NEGR1: variants seen among roughly 807,000 people sequenced by gnomAD.
NEGR1 encodes IgLON family member 4.
NEGR1 carries 10 observed loss-of-function variants against 40.9 expected under a neutral mutation model. That is an observed-to-expected ratio of 0.24 (90% confidence interval 0.15 to 0.42). NEGR1 has a LOEUF of 0.42. NEGR1 is among the 10% of genes least tolerant of loss of function. The probability of loss-of-function intolerance (pLI) is 1.00; values close to 1 mark genes in which losing one functional copy is unlikely to be tolerated. For missense variants in NEGR1, 352 were observed against 438.9 expected (o/e 0.80, Z 1.77); for synonymous variants, 185 against 166.8 (o/e 1.11, Z -0.84).
At chr1:71,713,060 C>T (rs556487157) in intron 3 of NEGR1, among the ~76,000 whole-genome samples, 1 of 152,314 alleles carries the variant, frequency 6.6e-6, no homozygotes, top group African/African-American at 2.4e-5. Context: ...CAGACTAATA[C>T]AGCCAGTATA....
intron 6 of NEGR1, among the ~76,000 whole-genome samples, chr1:71,498,210 A>G (rs1646977651): frequency 6.6e-6 from 1 of 151,356 alleles, no homozygotes; most frequent in Admixed American, 6.6e-5. Context: ...TATTCAGATT[A>G]ATTTTATAGC....
intron 5 of NEGR1, among the ~76,000 whole-genome samples, chr1:71,596,134 T>C (rs2101525648): frequency 6.6e-6 from 1 of 152,108 alleles, no homozygotes; most frequent in South Asian, 2.1e-4. Flanking sequence ...CAGTACTATA[T>C]GGTGCCTACT....
chr1:71,843,241 T>C (rs1659303626), intron 2 of NEGR1, among the ~76,000 whole-genome samples: 1 of 152,100 alleles, frequency 6.6e-6, no homozygotes, highest in Admixed American at 6.6e-5. Context: ...GAGAAAGGCT[T>C]GTCCTATTGC....
chr1:71,400,526 A>G lies in NEGR1; in HGVS notation c.*6920T>C, dbSNP rs1209046771. 2 of 152,124 alleles carry G rather than the reference A, an allele frequency of 1.3e-5. No individual in the cohort carries two copies. Among genetic ancestry groups the G allele is most frequent in the Non-Finnish European group, 2.9e-5 (2 of 68,026 alleles). 9.4% of individuals were successfully genotyped at this position (152,124 alleles called of 1,614,324 possible). A position where few individuals can be genotyped will look rare whatever the true frequency, so the allele number is the denominator to read the frequency against. On this transcript the variant is annotated 3_prime_UTR_variant, in exon 7 of 7. Coordinates refer to ENST00000357731, the MANE Select transcript of NEGR1 (RefSeq NM_173808.3). ...TTTCAACAAGGTGGATTCTCGAAGC[A>G]AGGTAGTTCTTGTGACTGTTTACTT...
intron 1 of NEGR1, among the ~76,000 whole-genome samples, chr1:72,013,199 T>A (rs916609462): frequency 6.6e-6 from 1 of 152,012 alleles, no homozygotes; most frequent in Non-Finnish European, 1.5e-5. Context: ...CTTTGGAATT[T>A]GAATGAGCCC....
chr1:71,610,772 G>A (rs902067300), intron 5 of NEGR1, among the ~76,000 whole-genome samples: 4 of 152,036 alleles, frequency 2.6e-5, no homozygotes, highest in African/African-American at 9.7e-5. Context: ...CAGGAGGGAG[G>A]GGAAGAAATG....
intron 4 of NEGR1, among the ~76,000 whole-genome samples, chr1:71,690,631 G>C (rs1392765457): frequency 3.0e-5 from 4 of 133,122 alleles, no homozygotes; most frequent in African/African-American, 9.1e-5. Context: ...GAGAGAGAGA[G>C]AGAGAGAGAG....
At chr1:71,470,336 G>A (rs892973773) in intron 6 of NEGR1, among the ~76,000 whole-genome samples, 18 of 152,028 alleles carry the variant, frequency 1.2e-4, no homozygotes, top group Non-Finnish European at 5.9e-5. Context: ...AGCTTAAGGA[G>A]TGGTCATTGA....
chr1:71,911,081 T>C (rs1661410477), intron 2 of NEGR1, among the ~76,000 whole-genome samples: 3 of 152,168 alleles, frequency 2.0e-5, no homozygotes, highest in Non-Finnish European at 4.4e-5. Flanking sequence ...GAGAGAAATG[T>C]AATTCTATTT....
At chr1:71,805,417 C>T (rs1657729388) in intron 2 of NEGR1, among the ~76,000 whole-genome samples, 1 of 152,082 alleles carries the variant, frequency 6.6e-6, no homozygotes, top group Admixed American at 6.6e-5. Flanking sequence ...GATGTCTCCC[C>T]CGGACACCCA....
intron 3 of NEGR1, among the ~76,000 whole-genome samples, chr1:71,737,135 G>A (rs1357248829): frequency 1.3e-5 from 2 of 152,162 alleles, no homozygotes; most frequent in Admixed American, 1.3e-4. Flanking sequence ...AAGTAGAGAT[G>A]TAACCTGAAT....
chr1:72,088,167 A>G (rs557500984), intron 1 of NEGR1, among the ~76,000 whole-genome samples: 1 of 152,304 alleles, frequency 6.6e-6, no homozygotes, highest in South Asian at 2.1e-4. Context: ...CCTATTAATC[A>G]TCATAGATGA....
At chr1:71,766,844 CTTG>C (rs982859891) in intron 3 of NEGR1, among the ~76,000 whole-genome samples, 7 of 152,040 alleles carry the variant, frequency 4.6e-5, no homozygotes, top group African/African-American at 1.4e-4. Flanking sequence ...CTCATGACAT[CTTG>C]TTGTTTAAAA....
At chr1:71,953,334 A>G (rs577098384) in intron 1 of NEGR1, among the ~76,000 whole-genome samples, 2 of 151,950 alleles carry the variant, frequency 1.3e-5, no homozygotes, top group African/African-American at 2.4e-5. Flanking sequence ...TAGTAAGACA[A>G]CTATAACTAG....
intron 1 of NEGR1, among the ~76,000 whole-genome samples, chr1:72,078,620 C>CAT (rs3080207): frequency 0.41 from 55,877 of 135,536 alleles, 11,325 homozygotes; most frequent in East Asian, 0.57. Flanking sequence ...CATATACACT[C>CAT]ATATATATAT....
intron 2 of NEGR1, among the ~76,000 whole-genome samples, chr1:71,834,700 G>A (rs183486460): frequency 1.6e-4 from 24 of 152,060 alleles, no homozygotes; most frequent in East Asian, 9.7e-4. Context: ...CAAGAGAATC[G>A]TGACCAATAC....
At chr1:71,689,913 T>C (rs1653194878) in intron 4 of NEGR1, among the ~76,000 whole-genome samples, 1 of 151,954 alleles carries the variant, frequency 6.6e-6, no homozygotes, top group Non-Finnish European at 1.5e-5. Flanking sequence ...AACGTTATTT[T>C]AACATTTATC....
intron 6 of NEGR1, among the ~76,000 whole-genome samples, chr1:71,546,347 C>T (rs1647895408): frequency 6.6e-6 from 1 of 151,572 alleles, no homozygotes; most frequent in Non-Finnish European, 1.5e-5. Flanking sequence ...CATGATGTGC[C>T]AAGTATTATA....
At position 71,942,474 on chromosome 1, in the gene NEGR1, TATATATATA is replaced by T. The variant is rs1216650564; in HGVS notation, c.177-7172_177-7164del. ...TTAAATCTATATATATATATATATATATATATATATTTTTTTTTTTTTTTTTTTTTTTTT... is the reference window on the plus strand; with the variant it reads ...TTAAATCTATATATATATATATATATTTTTTTTTTTTTTTTTTTTTTTTTT... On this transcript the variant is annotated intron_variant, in intron 1 of 6. Coordinates refer to ENST00000357731, the MANE Select transcript of NEGR1 (RefSeq NM_173808.3). Among the ~76,000 whole-genome samples the T allele has an allele frequency of 5.0e-4, 8 of 16,060 alleles. No individual in the cohort carries two copies. In the South Asian group the frequency reaches 0.01, roughly 20 times the overall value. 10.5% of individuals were successfully genotyped at this position (16,060 alleles called of 152,430 possible).
Sources: gnomAD v4.1 joint callset for allele counts (sites outside exome capture counted in the v4.1 genomes callset) on GRCh38, gnomAD v4.1.1 for gene constraint, MANE v1.5 for transcripts, NCBI Gene and HGNC (gene_info 2026-07-23, HGNC 2026-07-21) for gene names.